The following CYP17A1 variants were observed in gnomAD, a reference collection of about 807,000 sequenced individuals.
CYP17A1 encodes steroid 17-alpha-hydroxylase/17,20 lyase.
CYP17A1 carries 27 observed loss-of-function variants against 38.5 expected under a neutral mutation model. The observed-to-expected ratio is 0.70, with a 90% CI of 0.52 to 0.97. CYP17A1 has a LOEUF of 0.97. CYP17A1 is among the 50% of genes least tolerant of loss of function. The probability of loss-of-function intolerance (pLI) is 0.00; values close to 1 mark genes in which losing one functional copy is unlikely to be tolerated. For synonymous variants in CYP17A1, 263 were observed against 253.3 expected (o/e 1.04, Z -0.36); for missense variants, 549 against 645.9 (o/e 0.85, Z 1.63).
At chr10:102,835,206 G>T (rs761632949) in intron 2 of CYP17A1, 48 bp downstream of exon 2, 35 of 1,552,468 alleles carry the variant, frequency 2.3e-5, no homozygotes, top group Non-Finnish European at 2.9e-5. Flanking sequence ...CCCTCCAGCA[G>T]CTCCTGTGGG....
At chr10:102,833,685 A>G (rs1297265472) in intron 4 of CYP17A1, 1 of 286,792 alleles carries the variant, frequency 3.5e-6, no homozygotes, top group Admixed American at 5.0e-5. Flanking sequence ...CGAACTCCCA[A>G]CCTCAGGTGA....
At position 102,833,122 on chromosome 10, in the gene CYP17A1, T is replaced by C. The variant is rs1401291864; in HGVS notation, c.840A>G (p.Pro280=). Residue 280 remains proline, a synonymous_variant, in exon 5 of 8, where the codon CCA becomes CCG. Transcript: ENST00000369887. ...CTGAAAGCAGCTCTGAGTCTTGATC[T>C]GGGCCAGCATTGCCATTATCTGAGT... is the stretch of plus-strand genomic sequence containing the variant. The part of the protein sequence containing the change: ...KMNSDNGNAG[P]DQDSELLSDN... 1 of 1,614,198 alleles carries C rather than the reference T, an allele frequency of 6.2e-7. No homozygotes were observed. Among genetic ancestry groups the C allele is most frequent in the South Asian group, 1.1e-5 (1 of 91,084 alleles).
At chr10:102,833,275 T>C in intron 4 of CYP17A1, 67 bp from the exon 5 acceptor site, 1 of 1,612,048 alleles carries the variant, frequency 6.2e-7, no homozygotes, top group Non-Finnish European at 8.5e-7. Flanking sequence ...CCTGCCATAC[T>C]TCTGTCCCTG....
Position 102,834,874 on chromosome 10 carries a change from G to T in CYP17A1, c.577C>A (p.Pro193Thr), listed in dbSNP as rs775901707. 7 of 1,613,996 alleles carry T rather than the reference G, an allele frequency of 4.3e-6. No individual in the cohort carries two copies. Among genetic ancestry groups the T allele is most frequent in the Admixed American group, 3.3e-5 (2 of 60,002 alleles). ...CFNTSYKNGDPELNVIQNYNE... is the reference protein window; with the variant it reads ...CFNTSYKNGDTELNVIQNYNE... ...TAATTCTGTATGACATTCAACTCAGGGTCCCCATTCTTGTAGGAGGTATTG... is the reference window on the plus strand; with the variant it reads ...TAATTCTGTATGACATTCAACTCAGTGTCCCCATTCTTGTAGGAGGTATTG... The change falls in exon 3 of 8, where the codon CCT (proline) becomes ACT (threonine). Residue 193 changes from proline (P) to threonine (T), a missense_variant. This residue lies in a region of CYP17A1 where 289 missense variants were observed against 320.9 expected (regional missense o/e 0.90). Transcript: ENST00000369887.
Position 102,833,225 on chromosome 10 carries a change from T to C in CYP17A1, c.754-17A>G. 6.2e-7 allele frequency: 1 copy of C among 1,614,056 alleles called. No individual in the cohort carries two copies. Among genetic ancestry groups the C allele is most frequent in the Non-Finnish European group, 8.5e-7 (1 of 1,179,994 alleles). On this transcript the variant is annotated splice_polypyrimidine_tract_variant and intron_variant, in intron 4 of 7. Transcript: ENST00000369887. ...GAATTTCTCCTGGGTTGGGTGAGGT[T>C]GGGAGACATTAATAAGGAAGGAGCC...
chr10:102,832,889 C>T (rs1241751514), intron 5 of CYP17A1, 104 bp downstream of exon 5: 2 of 1,539,796 alleles, frequency 1.3e-6, no homozygotes, highest in East Asian at 4.8e-5. Flanking sequence ...GCAGGGCAGG[C>T]CTAGTCTTCC....
chr10:102,835,433 C>A, intron 1 of CYP17A1, 41 bp from the exon 2 acceptor site: 1 of 1,573,386 alleles, frequency 6.4e-7, no homozygotes, highest in Non-Finnish European at 8.8e-7. Flanking sequence ...TCACACCATC[C>A]ACCCCACTCT....
intron 4 of CYP17A1, 27 bp downstream of exon 4, chr10:102,834,009 C>T: frequency 1.1e-6 from 1 of 913,662 alleles, no homozygotes; most frequent in African/African-American, 1.6e-5. Flanking sequence ...TAGCCTAACT[C>T]ATATTCTCTT....
intron 4 of CYP17A1, chr10:102,833,456 C>A: frequency 2.4e-5 from 12 of 500,532 alleles, no homozygotes; most frequent in East Asian, 8.9e-5. Context: ...CTCCTTGAGT[C>A]AGTTTTTTTT....
intron 6 of CYP17A1, among the ~76,000 whole-genome samples, chr10:102,832,246 G>A (rs45563434): frequency 1.6e-3 from 239 of 152,178 alleles, no homozygotes; most frequent in African/African-American, 5.3e-3. Context: ...GCTAATTTTT[G>A]TATTTTTAGT....
chr10:102,837,205 A>G lies in CYP17A1; in HGVS notation c.157T>C (p.Phe53Leu), dbSNP rs746908611. ...CCATATTTTTTCTGCAGCTTGAAGA[A>G]GTTGTTATGCATATGGCCGTGTCTG... ...LPRHGHMHNN[F>L]FKLQKKYGPI... The change falls in exon 1 of 8, where the codon TTC becomes CTC. Residue 53 changes from phenylalanine to leucine, a missense_variant. By Grantham distance (22) the Phe-to-Leu change is conservative (BLOSUM62 0). Coordinates refer to ENST00000369887, the MANE Select transcript of CYP17A1 (RefSeq NM_000102.4). 8.1e-6 allele frequency: 13 copies of G among 1,609,006 alleles called. No homozygotes were observed. In the South Asian group the frequency reaches 1.2e-4, roughly 15 times the overall value.
intron 5 of CYP17A1, 131 bp downstream of exon 5, chr10:102,832,862 T>C (rs1844109562): frequency 1.3e-6 from 2 of 1,523,314 alleles, no homozygotes; most frequent in East Asian, 4.8e-5. Context: ...CAAAGCCAAC[T>C]ACTGCTTGGG....
At chr10:102,835,172 C>T in intron 2 of CYP17A1, 82 bp downstream of exon 2, 4 of 1,346,002 alleles carry the variant, frequency 3.0e-6, no homozygotes, top group Non-Finnish European at 4.2e-6. Flanking sequence ...AGTCCTAACC[C>T]TTACCCCTGC....
chr10:102,831,002 G>A lies in CYP17A1; in HGVS notation c.1244-17C>T. On this transcript the variant is annotated splice_polypyrimidine_tract_variant and intron_variant, in intron 7 of 7. Transcript: ENST00000369887. ...AGAAACGCTCTGCAGGCAAGGAGTG[G>A]CATCAGCCAGGGGTTAGGGCAGGAG... is the stretch of plus-strand genomic sequence containing the variant. The A allele has an allele frequency of 6.5e-7, 1 of 1,540,708 alleles. No individual in the cohort carries two copies. The highest frequency in any genetic ancestry group is 8.8e-7 in the Non-Finnish European group (1 of 1,131,970).
chr10:102,834,232 C>G, intron 3 of CYP17A1, 110 bp from the exon 4 acceptor site: 2 of 722,022 alleles, frequency 2.8e-6, no homozygotes, highest in South Asian at 1.5e-5. Flanking sequence ...GAAGTTCCTA[C>G]TCCACCCCTG....
At position 102,837,263 on chromosome 10, in the gene CYP17A1, G is replaced by A. The variant is rs939625154; in HGVS notation, c.99C>T (p.Ser33=). 1 of 1,601,794 alleles carries A rather than the reference G, an allele frequency of 6.2e-7. No homozygotes were observed. The highest frequency in any genetic ancestry group is 1.7e-5 in the Admixed American group (1 of 59,996). Residue 33 remains serine, a synonymous_variant, in exon 1 of 8, where the codon TCC becomes TCT. Transcript: ENST00000369887. Reference sequence around the variant, plus strand: ...ATGGCAGGCTGCCCACCAGGGGCAGGGACAGGAGGCTCTTGGGGTACTTGG... The same window carrying A: ...ATGGCAGGCTGCCCACCAGGGGCAGAGACAGGAGGCTCTTGGGGTACTTGG... The part of the protein sequence containing the change: ...PGAKYPKSLL[S]LPLVGSLPFL...
intron 6 of CYP17A1, among the ~76,000 whole-genome samples, chr10:102,832,196 C>G (rs1180634538): frequency 6.6e-6 from 1 of 152,124 alleles, no homozygotes; most frequent in Non-Finnish European, 1.5e-5. Flanking sequence ...GCCTCAGCCT[C>G]CTGAGTAGCT....
Position 102,833,106 on chromosome 10 carries a change from G to A in CYP17A1, c.856C>T (p.Leu286=). Residue 286 remains leucine, a synonymous_variant, in exon 5 of 8, where the codon CTG becomes TTG. Transcript: ENST00000369887. ...GNAGPDQDSE[L]LSDNHILTTI... is the part of the protein sequence containing the mutation. ...GTGAGAATGTGGTTATCTGAAAGCAGCTCTGAGTCTTGATCTGGGCCAGCA... is the reference window on the plus strand; with the variant it reads ...GTGAGAATGTGGTTATCTGAAAGCAACTCTGAGTCTTGATCTGGGCCAGCA... The A allele has an allele frequency of 1.2e-6, 2 of 1,614,202 alleles. No individual in the cohort carries two copies. The highest frequency in any genetic ancestry group is 1.7e-6 in the Non-Finnish European group (2 of 1,180,040).
At chr10:102,835,463 C>A in intron 1 of CYP17A1, 71 bp from the exon 2 acceptor site, 1 of 1,317,450 alleles carries the variant, frequency 7.6e-7, no homozygotes, top group East Asian at 2.3e-5. Context: ...ACCTCTGGTC[C>A]CTGCTTTCCT....
Sources: gnomAD v4.1 joint callset for allele counts (sites outside exome capture counted in the v4.1 genomes callset) on GRCh38, gnomAD v4.1.1 for gene constraint, gnomAD v4.1.1 regional missense constraint, MANE v1.5 for transcripts, NCBI Gene and HGNC (gene_info 2026-07-23, HGNC 2026-07-21) for gene names.